TENM3: variants seen among roughly 807,000 people sequenced by gnomAD.
The protein encoded by TENM3 is teneurin transmembrane protein 3.
Under a neutral mutation model 255.1 loss-of-function variants are expected in TENM3, and 63 were observed. That is an observed-to-expected ratio of 0.25 (90% confidence interval 0.20 to 0.30). The LOEUF (loss-of-function observed/expected upper bound fraction) is 0.30, where lower values mean the gene tolerates loss of function less well. Ranked by LOEUF, TENM3 falls within the 10% of genes least tolerant of loss-of-function variation. The probability of loss-of-function intolerance (pLI) is 1.00; values close to 1 mark genes in which losing one functional copy is unlikely to be tolerated. For missense variants in TENM3, 2,929 were observed against 3,461.1 expected (o/e 0.85, Z 3.86); for synonymous variants, 1,306 against 1,322.3 (o/e 0.99, Z 0.27).
chr4:181,937,825 T>A, the TENM3 span, among the ~76,000 whole-genome samples: 1 of 152,200 alleles, frequency 6.6e-6, no homozygotes, highest in East Asian at 1.9e-4. Flanking sequence ...GTCATCTTTC[T>A]CCCAGAGTGG....
At chr4:181,729,617 T>G in the TENM3 span, among the ~76,000 whole-genome samples, 5 of 152,202 alleles carry the variant, frequency 3.3e-5, no homozygotes, top group Non-Finnish European at 7.3e-5. Context: ...AAATTTGGTA[T>G]GTTAAACATA....
At chr4:181,479,231 G>GA in the TENM3 span, among the ~76,000 whole-genome samples, 2 of 152,112 alleles carry the variant, frequency 1.3e-5, no homozygotes, top group African/African-American at 4.8e-5. Context: ...TGAACATCTT[G>GA]AAAAATGCTA....
At chr4:182,699,139 T>A (rs1757653495) in intron 12 of TENM3, among the ~76,000 whole-genome samples, 2 of 152,208 alleles carry the variant, frequency 1.3e-5, no homozygotes. Flanking sequence ...CCGGTCTACC[T>A]CCTGTGGTCT....
chr4:182,030,509 T>G, the TENM3 span, among the ~76,000 whole-genome samples: 1 of 152,180 alleles, frequency 6.6e-6, no homozygotes, highest in East Asian at 1.9e-4. Context: ...TGATTCCATG[T>G]TTTTGCTATT....
the TENM3 span, among the ~76,000 whole-genome samples, chr4:182,069,575 C>T: frequency 1.8e-3 from 267 of 152,060 alleles, 3 homozygotes; most frequent in African/African-American, 5.0e-3. Context: ...GTGTTCAAAC[C>T]CTTTATTTTC....
intron 1 of TENM3, among the ~76,000 whole-genome samples, chr4:182,218,848 C>T (rs1755673329): frequency 6.6e-6 from 1 of 152,184 alleles, no homozygotes; most frequent in Non-Finnish European, 1.5e-5. Context: ...TGACAGTATA[C>T]TGATATTAGT....
the TENM3 span, among the ~76,000 whole-genome samples, chr4:181,596,975 T>A: frequency 6.6e-6 from 1 of 152,160 alleles, no homozygotes; most frequent in Non-Finnish European, 1.5e-5. Context: ...GAAAAATAAC[T>A]ATTTGGTAGT....
the TENM3 span, among the ~76,000 whole-genome samples, chr4:181,794,745 TTTAG>T: frequency 1.3e-5 from 2 of 151,788 alleles, no homozygotes; most frequent in Admixed American, 1.3e-4. Flanking sequence ...TGAAGAACAT[TTTAG>T]TTCTGTCTAG....
the TENM3 span, among the ~76,000 whole-genome samples, chr4:181,842,947 C>G: frequency 1.3e-5 from 2 of 152,156 alleles, no homozygotes; most frequent in Non-Finnish European, 2.9e-5. Flanking sequence ...TTTACTTACT[C>G]TGTATCCCTA....
At chr4:182,228,607 A>G (rs1415660185) in intron 1 of TENM3, among the ~76,000 whole-genome samples, 2 of 152,092 alleles carry the variant, frequency 1.3e-5, no homozygotes, top group African/African-American at 4.8e-5. Flanking sequence ...GGTGTCTTAC[A>G]TAGATAAATT....
At chr4:182,052,824 A>T in the TENM3 span, among the ~76,000 whole-genome samples, 1 of 152,264 alleles carries the variant, frequency 6.6e-6, no homozygotes, top group Non-Finnish European at 1.5e-5. Flanking sequence ...ATTTCTCCAC[A>T]TAAATATTTT....
the TENM3 span, among the ~76,000 whole-genome samples, chr4:181,544,448 A>G: frequency 1.4e-5 from 2 of 141,602 alleles, no homozygotes; most frequent in Non-Finnish European, 3.0e-5. Context: ...TATAACTCGT[A>G]TGGAACCAAG....
intron 2 of TENM3, among the ~76,000 whole-genome samples, chr4:182,332,901 A>G (rs1763873395): frequency 6.6e-6 from 1 of 152,196 alleles, no homozygotes; most frequent in Non-Finnish European, 1.5e-5. Flanking sequence ...AAGACATCCT[A>G]AAAAGACTGT....
At position 182,679,882 on chromosome 4, in the gene TENM3, A is replaced by G. The variant is rs768291156; in HGVS notation, c.1537+6A>G. 1.3e-6 allele frequency: 2 copies of G among 1,596,908 alleles called. No homozygotes were observed. The highest frequency in any genetic ancestry group is 1.7e-6 in the Non-Finnish European group (2 of 1,170,134). On this transcript the variant is annotated splice_donor_region_variant and intron_variant, in intron 8 of 27. Coordinates refer to ENST00000511685, the MANE Select transcript of TENM3 (RefSeq NM_001080477.4). ...TTTTAATACCATTGTTATAGGTAAG[A>G]ATAGTCTTCAAAGCAGCATTTTCCA...
rs537784925 is a variant in TENM3 at position 182,683,706 on chromosome 4, C to T, written c.2035+1692C>T. Among the ~76,000 whole-genome samples, 32 of 152,106 alleles carry T rather than the reference C, an allele frequency of 2.1e-4. 1 individual carries two copies. In the South Asian group the frequency reaches 3.5e-3, roughly 17 times the overall value. On this transcript the variant is annotated intron_variant, in intron 11 of 27. Transcript: ENST00000511685. ...TTTATCGATAGCAATAATTTGCCCA[C>T]TAAGACAATGAGAGTATTGTTTTTG...
At chr4:182,709,623 C>T (rs1002777035) in intron 12 of TENM3, among the ~76,000 whole-genome samples, 6 of 151,728 alleles carry the variant, frequency 4.0e-5, no homozygotes, top group Non-Finnish European at 8.8e-5. Flanking sequence ...TTATTTGAAC[C>T]TCATATATTG....
chr4:182,717,276 T>G (rs915184870), intron 13 of TENM3, among the ~76,000 whole-genome samples: 1 of 152,124 alleles, frequency 6.6e-6, no homozygotes, highest in Non-Finnish European at 1.5e-5. Context: ...TCCCCCTTTA[T>G]CTCTAAAAAG....
At chr4:181,689,786 A>T in the TENM3 span, among the ~76,000 whole-genome samples, 56 of 152,216 alleles carry the variant, frequency 3.7e-4, no homozygotes, top group African/African-American at 1.3e-3. Context: ...AAGGAAAAAG[A>T]CTCACTGAAG....
At chr4:181,919,784 A>C in the TENM3 span, among the ~76,000 whole-genome samples, 2,241 of 151,324 alleles carry the variant, frequency 0.015, 34 homozygotes, top group African/African-American at 0.052. Flanking sequence ...GCACAATGTG[A>C]AGGTTAGTTA....
Sources: gnomAD v4.1 joint callset for allele counts (sites outside exome capture counted in the v4.1 genomes callset) on GRCh38, gnomAD v4.1.1 for gene constraint, MANE v1.5 for transcripts, NCBI Gene and HGNC (gene_info 2026-07-23, HGNC 2026-07-21) for gene names.